The following SEZ6L2 variants were observed in gnomAD, a reference collection of about 807,000 sequenced individuals.
SEZ6L2 encodes seizure 6-like protein 2.
Under a neutral mutation model 97.0 loss-of-function variants are expected in SEZ6L2, and 44 were observed. The ratio of observed to expected loss-of-function variants is 0.45; its 90% CI spans 0.36 to 0.58. The LOEUF is 0.58. Ranked by LOEUF, SEZ6L2 falls within the 20% of genes least tolerant of loss-of-function variation. The probability of loss-of-function intolerance (pLI) is 0.00; values close to 1 mark genes in which losing one functional copy is unlikely to be tolerated. For synonymous variants in SEZ6L2, 543 were observed against 546.1 expected, an observed-to-expected ratio of 0.99 and a Z score of 0.08; for missense variants, 1,086 against 1,233.3, an observed-to-expected ratio of 0.88 and a Z score of 1.79.
At chr16:29,890,128 C>T (rs1255308281) in intron 5 of SEZ6L2, among the ~76,000 whole-genome samples, 2 of 152,020 alleles carry the variant, frequency 1.3e-5, no homozygotes, top group Non-Finnish European at 2.9e-5. Context: ...AGGGTGGTCT[C>T]GAACTCCTGA....
intron 7 of SEZ6L2, chr16:29,885,994 C>A: frequency 2.8e-6 from 1 of 358,748 alleles, no homozygotes; most frequent in South Asian, 6.7e-5. Flanking sequence ...AGTAACCTGT[C>A]CAAGGTCACA....
chr16:29,881,077 T>C (rs2068019734), intron 8 of SEZ6L2, among the ~76,000 whole-genome samples: 1 of 152,028 alleles, frequency 6.6e-6, no homozygotes, highest in East Asian at 1.9e-4. Flanking sequence ...CTGGCGTTGG[T>C]GGGTTTTTAA....
At chr16:29,885,316 G>A (rs1462977996) in intron 8 of SEZ6L2, among the ~76,000 whole-genome samples, 1 of 152,142 alleles carries the variant, frequency 6.6e-6, no homozygotes, top group Non-Finnish European at 1.5e-5. Context: ...CAGCACAGAG[G>A]AAAGAACCGA....
intron 5 of SEZ6L2, among the ~76,000 whole-genome samples, chr16:29,894,818 C>T (rs866271162): frequency 1.3e-5 from 2 of 151,876 alleles, no homozygotes; most frequent in East Asian, 1.9e-4. Context: ...GAGGGCCCTG[C>T]CCCCCAGGGT....
At position 29,882,169 on chromosome 16, in the gene SEZ6L2, C is replaced by T. The variant is rs572119933; in HGVS notation, c.1373-2105G>A. ...TGTTTTTAGTAGAAATGGGGCTTTG[C>T]CATGTTGCCTAGGCTGGTTTCAAAC... is the stretch of plus-strand genomic sequence containing the variant. On this transcript the variant is annotated intron_variant, in intron 8 of 17. Coordinates refer to ENST00000617533, the MANE Select transcript of SEZ6L2 (RefSeq NM_001243332.2). Among the ~76,000 whole-genome samples the T allele has an allele frequency of 7.3e-5, 11 of 151,678 alleles. No homozygotes were observed. The South Asian group carries it at 2.1e-3, about 29-fold the overall frequency.
intron 12 of SEZ6L2, among the ~76,000 whole-genome samples, chr16:29,875,324 T>C (rs1426761673): frequency 6.6e-6 from 1 of 152,208 alleles, no homozygotes; most frequent in Non-Finnish European, 1.5e-5. Flanking sequence ...GTCACAGCCA[T>C]GGAGCACTGG....
Position 29,897,033 on chromosome 16 carries a change from T to G in SEZ6L2, c.300A>C (p.Thr100=). The G allele has an allele frequency of 6.3e-7, 1 of 1,580,204 alleles. No individual in the cohort carries two copies. Among genetic ancestry groups the G allele is most frequent in the East Asian group, 2.3e-5 (1 of 43,940 alleles). The change falls in exon 3 of 18, where the codon ACA becomes ACC. Residue 100 remains threonine, a synonymous_variant. Coordinates refer to ENST00000617533, the MANE Select transcript of SEZ6L2 (RefSeq NM_001243332.2). ...PSLPRATEPG[T]GPLTTAVTPN... ...GGGTGACGGCTGTTGTCAGAGGCCC[T>G]GTCCCCGGCTCAGTGGCCCGTGGCA...
In SEZ6L2 at chr16:29,878,273, G is replaced by A. The variant is rs1464464464; in HGVS notation, c.1712+14C>T. 1.3e-6 allele frequency: 2 copies of A among 1,587,820 alleles called. No individual in the cohort carries two copies. The highest frequency in any genetic ancestry group is 1.2e-5 in the South Asian group (1 of 86,738). ...GCCTACACCCGTCGCACCCTCTGCA[G>A]GACCCAAACATACATCTCAACTTGG... On this transcript the variant is annotated intron_variant, in intron 10 of 17. Transcript: ENST00000617533.
chr16:29,878,547 T>C (rs551109172), intron 9 of SEZ6L2, 122 bp from the exon 10 acceptor site: 2 of 643,508 alleles, frequency 3.1e-6, no homozygotes, highest in East Asian at 3.4e-5. Flanking sequence ...TTACCTATGA[T>C]CCACCTGTTT....
chr16:29,892,851 C>T (rs1380140284), intron 5 of SEZ6L2, among the ~76,000 whole-genome samples: 1 of 152,250 alleles, frequency 6.6e-6, no homozygotes, highest in African/African-American at 2.4e-5. Flanking sequence ...TGCTAGAACA[C>T]ACCCTTGTAC....
chr16:29,886,204 A>C (rs2068137471), intron 7 of SEZ6L2, among the ~76,000 whole-genome samples: 1 of 152,112 alleles, frequency 6.6e-6, no homozygotes, highest in Non-Finnish European at 1.5e-5. Flanking sequence ...CCCCATGTTT[A>C]CTAAAAATAC....
At chr16:29,895,162 G>C in intron 5 of SEZ6L2, 97 bp downstream of exon 5, 1 of 1,085,670 alleles carries the variant, frequency 9.2e-7, no homozygotes, top group Non-Finnish European at 1.3e-6. Context: ...CTGGGCGACA[G>C]AGCAAGACTC....
intron 9 of SEZ6L2, 75 bp from the exon 10 acceptor site, chr16:29,878,500 C>T (rs1272316348): frequency 3.7e-6 from 5 of 1,342,926 alleles, no homozygotes; most frequent in Admixed American, 2.4e-5. Flanking sequence ...CCTCACCACT[C>T]GTGATGCGTG....
chr16:29,872,857 G>A, intron 14 of SEZ6L2, 114 bp from the exon 15 acceptor site: 1 of 814,714 alleles, frequency 1.2e-6, no homozygotes, highest in Non-Finnish European at 1.9e-6. Context: ...TCTGCCCTCT[G>A]CTCAACCTCA....
In SEZ6L2 at chr16:29,888,622, G is replaced by A; in HGVS notation, c.957C>T (p.Gly319=). 1 of 1,614,086 alleles carries A rather than the reference G, an allele frequency of 6.2e-7. No homozygotes were observed. The highest frequency in any genetic ancestry group is 8.5e-7 in the Non-Finnish European group (1 of 1,179,988). ...GGTATFHCDS[G]YQLQGEETLI... is the part of the protein sequence containing the mutation. ...GGGTCTCCTCTCCCTGCAGCTGGTA[G>A]CCCGAATCACAGTGAAAGGTGGCAG... Residue 319 remains glycine (G), a synonymous_variant, in exon 6 of 18, where the codon GGC becomes GGT. Transcript: ENST00000617533.
chr16:29,893,599 G>T (rs767500970), intron 5 of SEZ6L2, among the ~76,000 whole-genome samples: 16 of 149,898 alleles, frequency 1.1e-4, no homozygotes, highest in Non-Finnish European at 1.9e-4. Context: ...GTGAGCTGAG[G>T]TCATCACCAC....
intron 5 of SEZ6L2, among the ~76,000 whole-genome samples, chr16:29,893,169 A>T (rs1368672898): frequency 6.6e-6 from 1 of 151,740 alleles, no homozygotes; most frequent in African/African-American, 2.4e-5. Flanking sequence ...TACTAAAAAT[A>T]CAAAGTTAGC....
chr16:29,888,987 G>T (rs939761901), intron 5 of SEZ6L2, among the ~76,000 whole-genome samples: 5 of 152,042 alleles, frequency 3.3e-5, no homozygotes, highest in Non-Finnish European at 7.4e-5. Flanking sequence ...GGTATCTGAG[G>T]TTCAAACAAG....
chr16:29,899,384 G>A lies in SEZ6L2; in HGVS notation c.-365C>T. On this transcript the variant is annotated 5_prime_UTR_variant, in exon 1 of 18. Coordinates refer to ENST00000617533, the MANE Select transcript of SEZ6L2 (RefSeq NM_001243332.2). ...ACTGGGCTGTCTGGACCCCAAGCTAGGGGACTGGGGAGGAGAAAGACAGCT... is the reference window on the plus strand; with the variant it reads ...ACTGGGCTGTCTGGACCCCAAGCTAAGGGACTGGGGAGGAGAAAGACAGCT... 3.6e-6 allele frequency: 1 copy of A among 274,128 alleles called. No individual in the cohort carries two copies. The highest frequency in any genetic ancestry group is 6.9e-6 in the Non-Finnish European group (1 of 144,538). The allele number at this position is 274,128 out of a possible 1,614,324, so 17.0% of individuals were successfully genotyped here.
Sources: allele counts gnomAD v4.1 joint callset (sites outside exome capture counted in the v4.1 genomes callset), GRCh38; gene constraint gnomAD v4.1.1; transcripts MANE v1.5; gene names NCBI Gene and HGNC (gene_info 2026-07-23, HGNC 2026-07-21).